RB1: variants seen among roughly 807,000 people sequenced by gnomAD.
The protein encoded by RB1 is retinoblastoma-associated protein.
In RB1, 18 loss-of-function variants were observed where a neutral mutation model predicts 135.4. The ratio of observed to expected loss-of-function variants is 0.13; its 90% CI spans 0.09 to 0.20. The LOEUF (loss-of-function observed/expected upper bound fraction) is 0.20, where lower values mean the gene tolerates loss of function less well. Ranked by LOEUF, RB1 falls within the 10% of genes least tolerant of loss-of-function variation. The pLI is 1.00. For synonymous variants in RB1, 365 were observed against 373.2 expected (o/e 0.98, Z 0.25); for missense variants, 868 against 1,110.0 (o/e 0.78, Z 3.10).
chr13:48,471,577 A>AT (rs1361907317), intron 23 of RB1, among the ~76,000 whole-genome samples: 19 of 150,090 alleles, frequency 1.3e-4, no homozygotes, highest in African/African-American at 4.4e-4. Flanking sequence ...TATAAATAAA[A>AT]AAAAAAAAAA....
chr13:48,448,296 TTA>T (rs1949303138), intron 17 of RB1, among the ~76,000 whole-genome samples: 1 of 152,174 alleles, frequency 6.6e-6, no homozygotes, highest in African/African-American at 2.4e-5. Context: ...TCAACAAAAA[TTA>T]TATGATTGGA....
chr13:48,368,506 A>G, intron 10 of RB1, 21 bp from the exon 11 acceptor site: 3 of 1,612,624 alleles, frequency 1.9e-6, no homozygotes, highest in Non-Finnish European at 2.5e-6. Flanking sequence ...TATGTGAATG[A>G]CTTCACTTAT....
intron 17 of RB1, among the ~76,000 whole-genome samples, chr13:48,407,297 A>G (rs866613245): frequency 1.3e-5 from 2 of 152,166 alleles, no homozygotes; most frequent in Admixed American, 1.3e-4. Flanking sequence ...TGCTTTTCCA[A>G]TGAAAGAGGT....
At chr13:48,318,885 C>G (rs1049739834) in intron 2 of RB1, 6 of 1,136,922 alleles carry the variant, frequency 5.3e-6, no homozygotes, top group African/African-American at 3.0e-5. Context: ...ATTTCCTGAT[C>G]GATGCTGTCG....
chr13:48,320,308 C>T (rs1952223374), intron 2 of RB1: 10 of 1,241,918 alleles, frequency 8.1e-6, no homozygotes, highest in East Asian at 4.7e-5. Context: ...AACCCCGCTG[C>T]GCTGCAGCGT....
At chr13:48,343,800 A>G (rs1231787149) in intron 3 of RB1, among the ~76,000 whole-genome samples, 1 of 152,106 alleles carries the variant, frequency 6.6e-6, no homozygotes, top group East Asian at 1.9e-4. Flanking sequence ...CTTCTAATCA[A>G]CATTCTGATC....
intron 2 of RB1, chr13:48,317,090 C>G: frequency 1.1e-6 from 1 of 894,212 alleles, no homozygotes; most frequent in Non-Finnish European, 1.5e-6. Context: ...GCCCGCCGTC[C>G]TTCTTCGCCA....
At chr13:48,401,575 T>C (rs1948692018) in intron 17 of RB1, among the ~76,000 whole-genome samples, 1 of 152,194 alleles carries the variant, frequency 6.6e-6, no homozygotes, top group Admixed American at 6.5e-5. Flanking sequence ...TTTTAAAAAC[T>C]CTGAACTGTC....
chr13:48,339,265 C>T (rs930486108), intron 2 of RB1, among the ~76,000 whole-genome samples: 65 of 152,190 alleles, frequency 4.3e-4, no homozygotes, highest in Non-Finnish European at 5.9e-4. Context: ...TGCCCTGCCC[C>T]CAGAGGTGGA....
rs1593532019 is a variant in RB1 at position 48,456,281 on chromosome 13, A to G, written c.1892A>G (p.Gln631Arg). The part of the protein sequence containing the change: ...RVNSTANAET[Q>R]ATSAFQTQKP... The stretch of plus-strand genomic sequence containing the variant: ...AATTCTACTGCAAATGCAGAGACAC[A>G]AGCAACCTCAGCCTTCCAGACCCAG... Residue 631 changes from glutamine to arginine, a missense_variant, in exon 19 of 27, where the codon CAA becomes CGA. By Grantham distance (43) the Gln-to-Arg change is conservative (BLOSUM62 1). This residue lies in a region of RB1 where 641 missense variants were observed against 791.3 expected (regional missense o/e 0.81). Coordinates refer to ENST00000267163, the MANE Select transcript of RB1 (RefSeq NM_000321.3). 5.0e-6 allele frequency: 8 copies of G among 1,614,216 alleles called. No homozygotes were observed. Among genetic ancestry groups the G allele is most frequent in the Non-Finnish European group, 6.8e-6 (8 of 1,180,044 alleles).
chr13:48,403,696 C>A (rs947039159), intron 17 of RB1, among the ~76,000 whole-genome samples: 27 of 152,134 alleles, frequency 1.8e-4, no homozygotes, highest in Non-Finnish European at 2.6e-4. Flanking sequence ...TTGCTGGGCC[C>A]AGTCACAAAG....
chr13:48,350,895 G>C lies in RB1; in HGVS notation c.607+1872G>C, dbSNP rs145530542. Among the ~76,000 whole-genome samples the C allele has an allele frequency of 2.1e-3, 322 of 152,304 alleles. 1 individual carries two copies. The highest frequency in any genetic ancestry group is 7.0e-3 in the African/African-American group (289 of 41,572). On this transcript the variant is annotated intron_variant, in intron 6 of 26. Transcript: ENST00000267163. ...AGCCTCCAGCTCCATCCATGTTCCT[G>C]TGAAGGACATGATCTCATTCTTTTT...
At position 48,367,610 on chromosome 13, in the gene RB1, C is replaced by T. The variant is rs1301800960; in HGVS notation, c.1049+7C>T. ...AGACTGATTCTATAGACAGGTATTG[C>T]ACATGGTATATTTGATTGATTTGCT... On this transcript the variant is annotated splice_region_variant and intron_variant, in intron 10 of 26. Coordinates refer to ENST00000267163, the MANE Select transcript of RB1 (RefSeq NM_000321.3). 3 of 1,600,692 alleles carry T rather than the reference C, an allele frequency of 1.9e-6. No homozygotes were observed. The highest frequency in any genetic ancestry group is 2.3e-5 in the East Asian group (1 of 44,338).
At chr13:48,372,465 C>T (rs991787840) in intron 11 of RB1, among the ~76,000 whole-genome samples, 3 of 152,004 alleles carry the variant, frequency 2.0e-5, no homozygotes, top group African/African-American at 7.3e-5. Flanking sequence ...CGAAACCAGC[C>T]TGGGCAACAT....
At chr13:48,411,960 T>G in intron 17 of RB1, 2 of 1,612,676 alleles carry the variant, frequency 1.2e-6, no homozygotes, top group Non-Finnish European at 1.7e-6. Context: ...GTGGGTAGAC[T>G]GAACAAAAAC....
In RB1 at chr13:48,481,627, G is replaced by A. The variant is rs1355844268; in HGVS notation, c.*1556G>A. On this transcript the variant is annotated 3_prime_UTR_variant, in exon 27 of 27. Transcript: ENST00000267163. ...CTCCATTTCATCATTGTTTCTGCATGAATATCATACAAATCAGTTAGTTTT... is the reference window on the plus strand; with the variant it reads ...CTCCATTTCATCATTGTTTCTGCATAAATATCATACAAATCAGTTAGTTTT... 1.7e-5 allele frequency: 4 copies of A among 231,090 alleles called. No homozygotes were observed. The highest frequency in any genetic ancestry group is 5.6e-5 in the Admixed American group (1 of 17,710). The allele number at this position is 231,090 out of a possible 1,614,324, so 14.3% of individuals were successfully genotyped here. A position where few individuals can be genotyped will look rare whatever the true frequency, so the allele number is the denominator to read the frequency against.
chr13:48,316,252 C>T (rs1205779231), intron 2 of RB1, among the ~76,000 whole-genome samples: 1 of 149,432 alleles, frequency 6.7e-6, no homozygotes, highest in Non-Finnish European at 1.5e-5. Flanking sequence ...CTCTGGCCTC[C>T]AAGGACCAGG....
In RB1 at chr13:48,346,370, ATGTGTGTGTGTGTG is replaced by A. The variant is rs61503219; in HGVS notation, c.500+1202_500+1215del. Reference sequence around the variant, plus strand: ...TCACATTGAGTAGAATATTATATATATGTGTGTGTGTGTGTGTGTGTGTGTGTGTGTGTGTGTGT... The same window carrying A: ...TCACATTGAGTAGAATATTATATATATGTGTGTGTGTGTGTGTGTGTGTGT... On this transcript the variant is annotated intron_variant, in intron 4 of 26. Coordinates refer to ENST00000267163, the MANE Select transcript of RB1 (RefSeq NM_000321.3). Among the ~76,000 whole-genome samples the A allele has an allele frequency of 7.5e-3, 977 of 131,128 alleles. 15 individuals are homozygous for A. The highest frequency in any genetic ancestry group is 0.024 in the African/African-American group (914 of 37,688). The allele number at this position is 131,128 out of a possible 152,430, so 86.0% of individuals were successfully genotyped here.
At chr13:48,459,863 C>T (rs1443065705) in intron 20 of RB1, 30 bp downstream of exon 20, 2 of 1,565,530 alleles carry the variant, frequency 1.3e-6, no homozygotes, top group Non-Finnish European at 1.7e-6. Flanking sequence ...CACCTTCTCT[C>T]CTCCCTACTT....
Sources: gnomAD v4.1 joint callset for allele counts (sites outside exome capture counted in the v4.1 genomes callset) on GRCh38, gnomAD v4.1.1 for gene constraint, gnomAD v4.1.1 regional missense constraint, MANE v1.5 for transcripts, NCBI Gene and HGNC (gene_info 2026-07-23, HGNC 2026-07-21) for gene names.